The following FURIN variants were observed in gnomAD, a reference collection of about 807,000 sequenced individuals.
The protein encoded by FURIN is furin, paired basic amino acid cleaving enzyme, also known as FES upstream region.
Under a neutral mutation model 89.2 loss-of-function variants are expected in FURIN, and 18 were observed. That is an observed-to-expected ratio of 0.20 (90% confidence interval 0.14 to 0.30). The LOEUF is 0.30. Among genes scored for constraint, FURIN ranks in the 10% least tolerant of loss-of-function variants. The pLI, the probability that FURIN is intolerant of heterozygous loss-of-function variation, is 1.00. For synonymous variants in FURIN, 508 were observed against 466.4 expected (o/e 1.09, Z -1.15); for missense variants, 879 against 1,100.5 (o/e 0.80, Z 2.85).
chr15:90,882,338 T>C lies in FURIN; in HGVS notation c.*460T>C, dbSNP rs573292373. On this transcript the variant is annotated 3_prime_UTR_variant, in exon 16 of 16. Coordinates refer to ENST00000268171, the MANE Select transcript of FURIN (RefSeq NM_002569.4). Reference sequence around the variant, plus strand: ...CCAAGGGCTTCTGCACCCTCCACCCTGTCCCCCAGCTCTGGTGAGTCTTGG... The same window carrying C: ...CCAAGGGCTTCTGCACCCTCCACCCCGTCCCCCAGCTCTGGTGAGTCTTGG... 11 of 171,572 alleles carry C rather than the reference T, an allele frequency of 6.4e-5. No individual in the cohort carries two copies. The highest frequency in any genetic ancestry group is 3.9e-4 in the South Asian group (3 of 7,788). 10.6% of individuals were successfully genotyped at this position (171,572 alleles called of 1,614,324 possible).
Position 90,882,095 on chromosome 15 carries a change from C to T in FURIN, c.*217C>T, listed in dbSNP as rs2032014628. ...GGGCCGTACCCCACCCTCAGCACCC[C>T]TTCCATGTGGAGAAAGGAGTGAAAC... On this transcript the variant is annotated 3_prime_UTR_variant, in exon 16 of 16. Coordinates refer to ENST00000268171, the MANE Select transcript of FURIN (RefSeq NM_002569.4). The T allele has an allele frequency of 3.6e-6, 2 of 554,692 alleles. No homozygotes were observed. The highest frequency in any genetic ancestry group is 4.3e-5 in the South Asian group (2 of 46,536). 34.4% of individuals were successfully genotyped at this position (554,692 alleles called of 1,614,324 possible). A position where few individuals can be genotyped will look rare whatever the true frequency, so the allele number is the denominator to read the frequency against.
chr15:90,874,541 G>A (rs1159541702), intron 1 of FURIN, among the ~76,000 whole-genome samples: 2 of 152,238 alleles, frequency 1.3e-5, no homozygotes, highest in Admixed American at 1.3e-4. Context: ...CACCCCCTCA[G>A]GACATGGCCC....
At position 90,881,742 on chromosome 15, in the gene FURIN, A is replaced by G. The variant is rs772181867; in HGVS notation, c.2249A>G (p.Tyr750Cys). ...TTTAGTTTTCGGGGGGTGAAGGTGTACACCATGGACCGTGGCCTCATCTCC... is the reference window on the plus strand; with the variant it reads ...TTTAGTTTTCGGGGGGTGAAGGTGTGCACCATGGACCGTGGCCTCATCTCC... ...SGFSFRGVKV[Y>C]TMDRGLISYK... The change falls in exon 16 of 16, where the codon TAC becomes TGC. Residue 750 changes from tyrosine (Y) to cysteine (C), a missense_variant. Coordinates refer to ENST00000268171, the MANE Select transcript of FURIN (RefSeq NM_002569.4). The surrounding 1 kb of genome is among the most constrained non-coding windows in gnomAD (Gnocchi z 4.3). 1 of 1,608,814 alleles carries G rather than the reference A, an allele frequency of 6.2e-7. No individual in the cohort carries two copies.
At position 90,881,081 on chromosome 15, in the gene FURIN, G is replaced by A. The variant is rs775832051; in HGVS notation, c.1792+41G>A. ...TGTTGGGCTTTGGGGGCCTGAGTCT[G>A]GGGGTAAGGCGGGTGCCTGTCCTGA... is the stretch of plus-strand genomic sequence containing the variant. On this transcript the variant is annotated intron_variant, in intron 15 of 15. Transcript: ENST00000268171. This position sits in a 1 kb window ranked among gnomAD's most constrained non-coding sequence, Gnocchi z 4.3. 1 of 1,454,926 alleles carries A rather than the reference G, an allele frequency of 6.9e-7. No individual in the cohort carries two copies. Among genetic ancestry groups the A allele is most frequent in the Non-Finnish European group, 9.7e-7 (1 of 1,034,930 alleles). The allele number at this position is 1,454,926 out of a possible 1,614,324, so 90.1% of individuals were successfully genotyped here.
chr15:90,870,429 A>G (rs1399511926), intron 1 of FURIN, among the ~76,000 whole-genome samples: 1 of 152,186 alleles, frequency 6.6e-6, no homozygotes, highest in African/African-American at 2.4e-5. Flanking sequence ...ACACAGGAAA[A>G]GAGCTCTCAA....
intron 1 of FURIN, among the ~76,000 whole-genome samples, 177 bp downstream of exon 1, chr15:90,868,888 CGTCTGAATGTT>C (rs1244145248): frequency 6.6e-6 from 1 of 152,158 alleles, no homozygotes; most frequent in African/African-American, 2.4e-5. Context: ...CTTCTATGCA[CGTCTGAATGTT>C]GTGTAGACAT....
Position 90,879,506 on chromosome 15 carries a change from C to G in FURIN, c.1116C>G (p.Pro372=), listed in dbSNP as rs2031818783. ...ACACGGGCACCTCAGCCTCTGCCCCCTTAGCAGCCGGCATCATTGCTCTCA... is the reference window on the plus strand; with the variant it reads ...ACACGGGCACCTCAGCCTCTGCCCCGTTAGCAGCCGGCATCATTGCTCTCA... ...ESHTGTSASA[P]LAAGIIALTL... Residue 372 remains proline, a synonymous_variant, in exon 10 of 16, where the codon CCC becomes CCG. Transcript: ENST00000268171. 3 of 1,613,538 alleles carry G rather than the reference C, an allele frequency of 1.9e-6. No individual in the cohort carries two copies. The highest frequency in any genetic ancestry group is 2.5e-6 in the Non-Finnish European group (3 of 1,179,684).
At chr15:90,874,886 A>T (rs1305607734) in intron 1 of FURIN, among the ~76,000 whole-genome samples, 2 of 152,176 alleles carry the variant, frequency 1.3e-5, no homozygotes, top group East Asian at 1.9e-4. Context: ...AATAGTTTTT[A>T]AAAAATAAAA....
At chr15:90,877,753 C>G in intron 7 of FURIN, 138 bp downstream of exon 7, 1 of 660,862 alleles carries the variant, frequency 1.5e-6, no homozygotes, top group South Asian at 2.0e-5. Flanking sequence ...TGGAGGGTTC[C>G]CAAAGGGTCA....
chr15:90,881,616 T>G lies in FURIN; in HGVS notation c.2123T>G (p.Leu708Arg). ...GCGGGGCAACGGCTGCGGGCAGGGC[T>G]GCTGCCCTCACACCTGCCTGAGGTG... is the stretch of plus-strand genomic sequence containing the variant. Reference protein sequence around the residue: ...VEAGQRLRAGLLPSHLPEVVA... With the variant: ...VEAGQRLRAGRLPSHLPEVVA... The change falls in exon 16 of 16, where the codon CTG becomes CGG. Residue 708 changes from leucine to arginine, a missense_variant. Leu to Arg is a moderately radical substitution (Grantham distance 102). Coordinates refer to ENST00000268171, the MANE Select transcript of FURIN (RefSeq NM_002569.4). The surrounding 1 kb of genome is among the most constrained non-coding windows in gnomAD (Gnocchi z 4.3). 1 of 1,600,924 alleles carries G rather than the reference T, an allele frequency of 6.2e-7. No individual in the cohort carries two copies.
At chr15:90,878,716 C>G (rs1460871061) in intron 8 of FURIN, 48 bp from the exon 9 acceptor site, 1 of 1,159,336 alleles carries the variant, frequency 8.6e-7, no homozygotes, top group Admixed American at 1.8e-5. Flanking sequence ...CCTGCCAGCC[C>G]TCCCTCAAGT....
Position 90,878,866 on chromosome 15 carries a change from C to A in FURIN, c.943C>A (p.Leu315Met). The change falls in exon 9 of 16, where the codon CTG becomes ATG. Residue 315 changes from leucine to methionine, a missense_variant. By Grantham distance (15) the Leu-to-Met change is conservative. Around this residue, in one of 5 missense-constraint regions of FURIN, gnomAD observed 156 missense variants for 243.7 expected, o/e 0.64. Coordinates refer to ENST00000268171, the MANE Select transcript of FURIN (RefSeq NM_002569.4). ...CDGYTNSIYT[L>M]SISSATQFGN... ...CGGCTACACCAACAGTATCTACACG[C>A]TGTCCATCAGCAGCGCCACGCAGTT... 2 of 1,612,736 alleles carry A rather than the reference C, an allele frequency of 1.2e-6. No individual in the cohort carries two copies. The highest frequency in any genetic ancestry group is 1.7e-6 in the Non-Finnish European group (2 of 1,179,342).
intron 1 of FURIN, among the ~76,000 whole-genome samples, chr15:90,875,377 G>A (rs995781354): frequency 7.9e-5 from 12 of 152,102 alleles, no homozygotes; most frequent in Admixed American, 6.5e-4. Context: ...AAAGGATTGG[G>A]GGGGATTGTG....
At position 90,880,742 on chromosome 15, in the gene FURIN, T is replaced by A; in HGVS notation, c.1608T>A (p.Thr536=). Residue 536 remains threonine, a synonymous_variant, in exon 14 of 16, where the codon ACT becomes ACA. Transcript: ENST00000268171. ...DGFNDWAFMT[T]HSWDEDPSGE... ...TTAATGACTGGGCCTTCATGACAAC[T>A]CATTCCTGGGATGAGGATCCCTCTG... 1 of 1,614,004 alleles carries A rather than the reference T, an allele frequency of 6.2e-7. No individual in the cohort carries two copies. Among genetic ancestry groups the A allele is most frequent in the South Asian group, 1.1e-5 (1 of 91,064 alleles).
intron 1 of FURIN, among the ~76,000 whole-genome samples, chr15:90,875,225 A>G (rs1391931262): frequency 1.3e-5 from 2 of 151,954 alleles, no homozygotes; most frequent in South Asian, 2.1e-4. Context: ...AGTAGAGACG[A>G]GGTTGCACCA....
chr15:90,880,042 G>A, intron 12 of FURIN, 52 bp from the exon 13 acceptor site: 4 of 1,602,900 alleles, frequency 2.5e-6, no homozygotes, highest in Middle Eastern at 1.7e-4. Flanking sequence ...CGCAGGGGGT[G>A]CCCGCTGGTC....
rs1364749465 is a variant in FURIN, at chr15:90,879,975, C to T, written c.1367C>T (p.Thr456Ile). Reference protein sequence around the residue: ...PQRKCIIDILTEPKDIGKRLE... With the variant: ...PQRKCIIDILIEPKDIGKRLE... ...CGGAAGTGCATCATCGACATCCTCA[C>T]CGAGCCCAAGTGAGGGCTGGACCCA... is the stretch of plus-strand genomic sequence containing the variant. Residue 456 changes from threonine to isoleucine, a missense_variant, in exon 12 of 16, where the codon ACC becomes ATC. Around this residue, in one of 5 missense-constraint regions of FURIN, gnomAD observed 457 missense variants for 490.7 expected, o/e 0.93. Transcript: ENST00000268171. The T allele has an allele frequency of 2.5e-6, 4 of 1,612,640 alleles. No homozygotes were observed. Among genetic ancestry groups the T allele is most frequent in the Admixed American group, 1.7e-5 (1 of 60,016 alleles).
intron 1 of FURIN, among the ~76,000 whole-genome samples, chr15:90,874,951 T>A (rs551408126): frequency 6.6e-6 from 1 of 152,206 alleles, no homozygotes; most frequent in Non-Finnish European, 1.5e-5. Flanking sequence ...TTGATCATGG[T>A]GAACATTTAT....
chr15:90,875,714 C>T lies in FURIN; in HGVS notation c.-27C>T, dbSNP rs1183906691. 1.3e-6 allele frequency: 2 copies of T among 1,509,754 alleles called. No individual in the cohort carries two copies. The highest frequency in any genetic ancestry group is 2.5e-5 in the East Asian group (1 of 40,450). 93.5% of individuals were successfully genotyped at this position (1,509,754 alleles called of 1,614,324 possible). ...TGACCAGGCCAAGGAGACGGGCGCT[C>T]CAGGGTCCCAGCCACCTGTCCCCCC... On this transcript the variant is annotated 5_prime_UTR_variant, in exon 2 of 16. Coordinates refer to ENST00000268171, the MANE Select transcript of FURIN (RefSeq NM_002569.4).
Sources: allele counts gnomAD v4.1 joint callset (sites outside exome capture counted in the v4.1 genomes callset), GRCh38; gene constraint gnomAD v4.1.1; regional missense constraint gnomAD v4.1.1; non-coding constraint Gnocchi (gnomAD v3.1); transcripts MANE v1.5; gene names NCBI Gene and HGNC (gene_info 2026-07-23, HGNC 2026-07-21).